Variants in ADAM10 observed in about 807,000 individuals in gnomAD.
ADAM10 encodes the protein ADAM metallopeptidase domain 10, also known as disintegrin and metalloproteinase domain-containing protein 10.
Under a neutral mutation model 90.1 loss-of-function variants are expected in ADAM10, and 17 were observed. The observed-to-expected ratio is 0.19, with a 90% CI of 0.13 to 0.28. The LOEUF (loss-of-function observed/expected upper bound fraction) is 0.28, where lower values mean the gene tolerates loss of function less well. Ranked by LOEUF, ADAM10 falls within the 10% of genes least tolerant of loss-of-function variation. The pLI is 1.00. For missense variants in ADAM10, 610 were observed against 914.3 expected (o/e 0.67, Z 4.29); for synonymous variants, 310 against 298.6 (o/e 1.04, Z -0.40).
intron 5 of ADAM10, among the ~76,000 whole-genome samples, chr15:58,660,827 G>C (rs11071393): frequency 0.18 from 27,798 of 152,162 alleles, 2,877 homozygotes; most frequent in East Asian, 0.4. Flanking sequence ...TAAACATTTA[G>C]ACTTTTGAAC....
At chr15:58,731,919 G>A (rs1384155859) in intron 1 of ADAM10, among the ~76,000 whole-genome samples, 1 of 152,166 alleles carries the variant, frequency 6.6e-6, no homozygotes, top group African/African-American at 2.4e-5. Flanking sequence ...TGAGTCATGG[G>A]GTGGAGACTT....
intron 1 of ADAM10, among the ~76,000 whole-genome samples, chr15:58,728,208 T>C (rs1490892652): frequency 6.6e-6 from 1 of 152,156 alleles, no homozygotes; most frequent in Non-Finnish European, 1.5e-5. Context: ...ATATTAGGAA[T>C]TTACATTTCT....
In ADAM10 at chr15:58,685,160, TAA is replaced by T. The variant is rs140613738; in HGVS notation, c.207-2848_207-2847del. Among the ~76,000 whole-genome samples the T allele has an allele frequency of 5.1e-3, 606 of 119,050 alleles. 4 individuals carry two copies. The highest frequency in any genetic ancestry group is 0.018 in the East Asian group (79 of 4,412). 78.1% of individuals were successfully genotyped at this position (119,050 alleles called of 152,430 possible). A position where few individuals can be genotyped will look rare whatever the true frequency, so the allele number is the denominator to read the frequency against. On this transcript the variant is annotated intron_variant, in intron 2 of 15. Transcript: ENST00000260408. ...TCATAGACCTCTAAGTTATATTAAG[TAA>T]AAAAAAAAAAAAAAAAAGACCAAGT...
chr15:58,604,462 A>G (rs1203617220), intron 14 of ADAM10, among the ~76,000 whole-genome samples: 1 of 152,186 alleles, frequency 6.6e-6, no homozygotes, highest in Non-Finnish European at 1.5e-5. Flanking sequence ...CAGACTGAAG[A>G]TATGTTTCTC....
chr15:58,723,911 G>A (rs1898944470), intron 1 of ADAM10, among the ~76,000 whole-genome samples: 1 of 152,098 alleles, frequency 6.6e-6, no homozygotes, highest in South Asian at 2.1e-4. Flanking sequence ...CCTAGACAAA[G>A]CAGAATCAGT....
intron 5 of ADAM10, among the ~76,000 whole-genome samples, chr15:58,660,212 T>G (rs1366811721): frequency 5.3e-5 from 8 of 152,114 alleles, no homozygotes; most frequent in African/African-American, 1.4e-4. Flanking sequence ...TTTTTTTAAA[T>G]AGGGTCTCAC....
At chr15:58,668,366 C>T (rs918217743) in intron 4 of ADAM10, among the ~76,000 whole-genome samples, 1 of 152,130 alleles carries the variant, frequency 6.6e-6, no homozygotes, top group African/African-American at 2.4e-5. Context: ...CCATTATTTA[C>T]GTGTATTTGA....
At chr15:58,727,454 G>A (rs1489920415) in intron 1 of ADAM10, among the ~76,000 whole-genome samples, 1 of 152,010 alleles carries the variant, frequency 6.6e-6, no homozygotes, top group African/African-American at 2.4e-5. Flanking sequence ...GCCTCCCAAA[G>A]TGCTGGGATT....
At chr15:58,689,954 A>ACCC (rs768784057) in intron 2 of ADAM10, among the ~76,000 whole-genome samples, 1,350 of 117,500 alleles carry the variant, frequency 0.011, 41 homozygotes, top group Admixed American at 0.031. Flanking sequence ...ACCCCCCCCA[A>ACCC]AAAAAAAAAA....
chr15:58,594,066 G>A lies in ADAM10; in HGVS notation c.*3481C>T, dbSNP rs1012099500. 1 of 152,202 alleles carries A rather than the reference G, an allele frequency of 6.6e-6. No homozygotes were observed. The highest frequency in any genetic ancestry group is 1.5e-5 in the Non-Finnish European group (1 of 68,028). The allele number at this position is 152,202 out of a possible 1,614,324, so 9.4% of individuals were successfully genotyped here. On this transcript the variant is annotated 3_prime_UTR_variant, in exon 16 of 16. Transcript: ENST00000260408. ...AACCAATTGTCTTTCTAGTTTCTAA[G>A]AAGTTGAAAGTGGTTTTGGGGAAAC...
intron 7 of ADAM10, 108 bp from the exon 8 acceptor site, chr15:58,641,068 A>C (rs1896405874): frequency 1.8e-6 from 2 of 1,095,384 alleles, no homozygotes; most frequent in Non-Finnish European, 2.7e-6. Context: ...CTCCCATGGA[A>C]ATCAGGCCTG....
intron 5 of ADAM10, among the ~76,000 whole-genome samples, chr15:58,650,976 T>C (rs1333990157): frequency 1.3e-5 from 2 of 152,204 alleles, no homozygotes; most frequent in Non-Finnish European, 2.9e-5. Flanking sequence ...AATATATTCA[T>C]CTTTTTTATA....
chr15:58,702,347 A>T (rs1898160141), intron 2 of ADAM10, among the ~76,000 whole-genome samples: 1 of 152,202 alleles, frequency 6.6e-6, no homozygotes, highest in South Asian at 2.1e-4. Flanking sequence ...TAATGGGTAC[A>T]AACATACAAT....
At chr15:58,732,277 A>T (rs577414704) in intron 1 of ADAM10, 4 of 152,440 alleles carry the variant, frequency 2.6e-5, no homozygotes, top group Admixed American at 6.5e-5. Context: ...GTGAATGTGG[A>T]GAAAACCTTT....
chr15:58,739,031 CA>C (rs1449370844), intron 1 of ADAM10, among the ~76,000 whole-genome samples: 2 of 152,020 alleles, frequency 1.3e-5, no homozygotes, highest in African/African-American at 4.8e-5. Context: ...TAAGATATCC[CA>C]AAACATCCGC....
At chr15:58,686,705 C>G in intron 2 of ADAM10, 1 of 654,898 alleles carries the variant, frequency 1.5e-6, no homozygotes, top group Non-Finnish European at 2.8e-6. Context: ...ACACTTTTCC[C>G]TAACTTTTAG....
chr15:58,677,118 A>G (rs1365363114), intron 4 of ADAM10, among the ~76,000 whole-genome samples: 1 of 152,180 alleles, frequency 6.6e-6, no homozygotes, highest in Non-Finnish European at 1.5e-5. Context: ...TAATTGTCTA[A>G]ATTTGCAAAC....
At chr15:58,694,778 G>A (rs747374933) in intron 2 of ADAM10, among the ~76,000 whole-genome samples, 28 of 148,456 alleles carry the variant, frequency 1.9e-4, no homozygotes, top group Non-Finnish European at 3.3e-4. Context: ...TTGAAAACAC[G>A]CACTTTTGTT....
intron 5 of ADAM10, among the ~76,000 whole-genome samples, chr15:58,661,529 C>T (rs1242296173): frequency 1.4e-5 from 2 of 148,098 alleles, no homozygotes; most frequent in African/African-American, 2.5e-5. Flanking sequence ...ATCTTTGTTC[C>T]CCTGTATGTA....
Sources: allele counts gnomAD v4.1 joint callset (sites outside exome capture counted in the v4.1 genomes callset), GRCh38; gene constraint gnomAD v4.1.1; transcripts MANE v1.5; gene names NCBI Gene and HGNC (gene_info 2026-07-23, HGNC 2026-07-21).